The following FGF12 variants were observed in gnomAD, a reference collection of about 807,000 sequenced individuals.
FGF12 encodes fibroblast growth factor 12B.
Under a neutral mutation model 23.6 loss-of-function variants are expected in FGF12, and 14 were observed. The ratio of observed to expected loss-of-function variants is 0.59; its 90% CI spans 0.39 to 0.93. FGF12 has a LOEUF of 0.93. FGF12 is among the 40% of genes least tolerant of loss of function. FGF12 has a pLI of 0.00. For missense variants in FGF12, 175 were observed against 217.8 expected, an observed-to-expected ratio of 0.80 and a Z score of 1.24; for synonymous variants, 62 against 77.3, an observed-to-expected ratio of 0.80 and a Z score of 1.04.
intron 2 of FGF12, among the ~76,000 whole-genome samples, chr3:192,367,585 G>C (rs762587227): frequency 1.3e-5 from 2 of 152,168 alleles, no homozygotes; most frequent in African/African-American, 2.4e-5. Context: ...TTTGAAAAGG[G>C]ACAGAACTTA....
At chr3:192,606,579 G>T (rs1444082373) in intron 2 of FGF12, among the ~76,000 whole-genome samples, 1 of 152,074 alleles carries the variant, frequency 6.6e-6, no homozygotes, top group Non-Finnish European at 1.5e-5. Context: ...AATAATCACT[G>T]TTCACTAGGC....
intron 5 of FGF12, among the ~76,000 whole-genome samples, chr3:192,162,059 T>G (rs945504082): frequency 1.3e-5 from 2 of 152,176 alleles, no homozygotes; most frequent in African/African-American, 4.8e-5. Context: ...GAAATATGAT[T>G]AATCATTTTA....
intron 4 of FGF12, among the ~76,000 whole-genome samples, chr3:192,268,351 G>T (rs1336025793): frequency 1.3e-5 from 2 of 152,160 alleles, no homozygotes; most frequent in African/African-American, 2.4e-5. Flanking sequence ...CTAGATGTGG[G>T]TTTTCAAATG....
intron 2 of FGF12, among the ~76,000 whole-genome samples, chr3:192,596,296 G>A (rs1010874026): frequency 6.6e-6 from 1 of 151,232 alleles, no homozygotes; most frequent in African/African-American, 2.4e-5. Context: ...TACTTTTTTT[G>A]TTTGTCTACA....
intron 2 of FGF12, among the ~76,000 whole-genome samples, chr3:192,655,379 T>A (rs1716373212): frequency 6.6e-6 from 1 of 152,134 alleles, no homozygotes; most frequent in Non-Finnish European, 1.5e-5. Flanking sequence ...TTTCTAAAAC[T>A]CAGATGTGAT....
At chr3:192,399,954 C>T (rs1430000408) in intron 2 of FGF12, among the ~76,000 whole-genome samples, 2 of 152,212 alleles carry the variant, frequency 1.3e-5, no homozygotes, top group African/African-American at 4.8e-5. Flanking sequence ...GGTTACAAGA[C>T]CGCCACCCTC....
chr3:192,626,388 G>C (rs1715169934), intron 2 of FGF12, among the ~76,000 whole-genome samples: 1 of 151,800 alleles, frequency 6.6e-6, no homozygotes, highest in Non-Finnish European at 1.5e-5. Context: ...CTATATTTGG[G>C]CATAGTTAAA....
At chr3:192,698,865 G>A (rs1227579145) in intron 2 of FGF12, among the ~76,000 whole-genome samples, 1 of 152,186 alleles carries the variant, frequency 6.6e-6, no homozygotes, top group Non-Finnish European at 1.5e-5. Flanking sequence ...ATACCAGTGA[G>A]AAGACCTTAG....
chr3:192,168,560 C>T (rs1715358652), intron 5 of FGF12, among the ~76,000 whole-genome samples: 1 of 152,198 alleles, frequency 6.6e-6, no homozygotes, highest in Non-Finnish European at 1.5e-5. Flanking sequence ...TATTGCATCA[C>T]TTAACATTTT....
intron 2 of FGF12, among the ~76,000 whole-genome samples, chr3:192,647,432 A>G (rs1042387418): frequency 5.3e-5 from 8 of 152,024 alleles, no homozygotes; most frequent in African/African-American, 1.9e-4. Flanking sequence ...AACATTCTGA[A>G]GACTGCCAAG....
At chr3:192,276,124 G>T (rs1284326860) in intron 4 of FGF12, among the ~76,000 whole-genome samples, 1 of 152,172 alleles carries the variant, frequency 6.6e-6, no homozygotes, top group Non-Finnish European at 1.5e-5. Flanking sequence ...GCTCATATAT[G>T]CAGTGTTCAA....
chr3:192,321,454 G>A (rs1471361746), intron 4 of FGF12, among the ~76,000 whole-genome samples: 1 of 150,258 alleles, frequency 6.7e-6, no homozygotes, highest in Non-Finnish European at 1.5e-5. Context: ...CACTCTGTGA[G>A]GCCAGTACTA....
chr3:192,391,575 G>A (rs966194399), intron 2 of FGF12, among the ~76,000 whole-genome samples: 4 of 152,126 alleles, frequency 2.6e-5, no homozygotes, highest in African/African-American at 9.7e-5. Flanking sequence ...GGGTTTATCA[G>A]ACCAAATCTG....
intron 4 of FGF12, among the ~76,000 whole-genome samples, chr3:192,211,363 G>A (rs1035739526): frequency 1.3e-5 from 2 of 152,156 alleles, no homozygotes; most frequent in African/African-American, 4.8e-5. Context: ...TAGAAGAGAA[G>A]ATCAATCCTG....
At chr3:192,462,331 G>A (rs1722888970) in intron 2 of FGF12, among the ~76,000 whole-genome samples, 1 of 152,072 alleles carries the variant, frequency 6.6e-6, no homozygotes, top group African/African-American at 2.4e-5. Context: ...TCTGACTCAT[G>A]AATGGATTAA....
chr3:192,627,544 A>G (rs184718520), intron 2 of FGF12, among the ~76,000 whole-genome samples: 112 of 152,310 alleles, frequency 7.4e-4, no homozygotes, highest in African/African-American at 2.6e-3. Context: ...TCAGTACAGT[A>G]TAGAAGTATC....
At chr3:192,404,893 C>A (rs1022796884) in intron 2 of FGF12, among the ~76,000 whole-genome samples, 1 of 152,136 alleles carries the variant, frequency 6.6e-6, no homozygotes, top group Non-Finnish European at 1.5e-5. Flanking sequence ...TCTACTCTAC[C>A]CTATCTCTGT....
At chr3:192,321,065 A>C (rs1716508150) in intron 4 of FGF12, among the ~76,000 whole-genome samples, 1 of 152,108 alleles carries the variant, frequency 6.6e-6, no homozygotes, top group Non-Finnish European at 1.5e-5. Flanking sequence ...TTTAAGCCAG[A>C]CCAATGAACA....
At chr3:192,429,120 T>G (rs1374522068) in intron 2 of FGF12, among the ~76,000 whole-genome samples, 1 of 152,142 alleles carries the variant, frequency 6.6e-6, no homozygotes, top group Admixed American at 6.5e-5. Context: ...ACTTCACAAA[T>G]TAATATTGAG....
Sources: gnomAD v4.1 joint callset for allele counts (sites outside exome capture counted in the v4.1 genomes callset) on GRCh38, gnomAD v4.1.1 for gene constraint, MANE v1.5 for transcripts, NCBI Gene and HGNC (gene_info 2026-07-23, HGNC 2026-07-21) for gene names.